The following NCKAP5 variants were observed in gnomAD, a reference collection of about 807,000 sequenced individuals.
NCKAP5 encodes the protein nck-associated protein 5.
Under a neutral mutation model 167.0 loss-of-function variants are expected in NCKAP5, and 92 were observed. That is an observed-to-expected ratio of 0.55 (90% CI 0.47 to 0.66). NCKAP5 has a LOEUF of 0.66. Ranked by LOEUF, NCKAP5 falls within the 30% of genes least tolerant of loss-of-function variation. The pLI is 0.00. For missense variants in NCKAP5, 2,378 were observed against 2,315.0 expected (o/e 1.03, Z -0.56); for synonymous variants, 891 against 877.4 (o/e 1.02, Z -0.27).
chr2:133,188,478 T>C (rs1056223352), intron 5 of NCKAP5, among the ~76,000 whole-genome samples: 2 of 152,050 alleles, frequency 1.3e-5, no homozygotes, highest in Admixed American at 6.6e-5. Context: ...CAACAGAATA[T>C]ACATTCCTCT....
At chr2:133,592,778 A>C in the NCKAP5 span, among the ~76,000 whole-genome samples, 2 of 152,220 alleles carry the variant, frequency 1.3e-5, no homozygotes, top group Non-Finnish European at 2.9e-5. Flanking sequence ...CCAGTATAAC[A>C]TTCCTGCTCA....
At chr2:133,669,806 C>T in the NCKAP5 span, among the ~76,000 whole-genome samples, 1 of 152,152 alleles carries the variant, frequency 6.6e-6, no homozygotes, top group Non-Finnish European at 1.5e-5. Context: ...TACTCTTCAT[C>T]CCTGCAGAAT....
chr2:133,614,542 G>C, the NCKAP5 span, among the ~76,000 whole-genome samples: 1 of 151,998 alleles, frequency 6.6e-6, no homozygotes, highest in East Asian at 1.9e-4. Flanking sequence ...TGGAAGAAAG[G>C]GTATCAGCGA....
At chr2:133,119,006 T>C (rs745579137) in intron 6 of NCKAP5, 8 of 152,164 alleles carry the variant, frequency 5.3e-5, no homozygotes, top group Non-Finnish European at 1.2e-4. Flanking sequence ...TTTGTTGTTG[T>C]TTGTTTGTTT....
intron 9 of NCKAP5, among the ~76,000 whole-genome samples, chr2:132,869,831 A>T (rs927042546): frequency 2.0e-5 from 3 of 152,190 alleles, no homozygotes; most frequent in African/African-American, 7.2e-5. Flanking sequence ...GGACAGAGAA[A>T]AGCTTGGTCC....
chr2:132,895,212 T>C (rs1693071011), intron 8 of NCKAP5, among the ~76,000 whole-genome samples: 1 of 151,884 alleles, frequency 6.6e-6, no homozygotes, highest in East Asian at 2.0e-4. Context: ...GCGCCTGTAG[T>C]CCCAGCTACT....
intron 9 of NCKAP5, 77 bp downstream of exon 9, chr2:132,878,771 C>T: frequency 1.9e-6 from 2 of 1,047,434 alleles, no homozygotes; most frequent in Non-Finnish European, 3.0e-6. Flanking sequence ...ACTGGTAGCA[C>T]ACACACATTT....
intron 3 of NCKAP5, among the ~76,000 whole-genome samples, chr2:133,345,475 G>C (rs1683908111): frequency 6.6e-6 from 1 of 152,138 alleles, no homozygotes; most frequent in Non-Finnish European, 1.5e-5. Context: ...TCAGAATATG[G>C]AGCAATGGTT....
At chr2:133,664,251 T>C in the NCKAP5 span, among the ~76,000 whole-genome samples, 1 of 152,190 alleles carries the variant, frequency 6.6e-6, no homozygotes, top group Non-Finnish European at 1.5e-5. Context: ...TCAGACTTCA[T>C]TATTTTATTT....
chr2:132,856,336 G>GA (rs532362885), intron 11 of NCKAP5, among the ~76,000 whole-genome samples: 33 of 150,174 alleles, frequency 2.2e-4, no homozygotes, highest in African/African-American at 4.9e-4. Flanking sequence ...AAGACTAAGA[G>GA]AAAAAAAAAG....
At chr2:133,361,473 T>C (rs541196760) in intron 3 of NCKAP5, among the ~76,000 whole-genome samples, 1 of 152,342 alleles carries the variant, frequency 6.6e-6, no homozygotes, top group South Asian at 2.1e-4. Context: ...TTCAGTGGCA[T>C]TAAAATAAAT....
At chr2:133,350,178 G>A (rs1684265177) in intron 3 of NCKAP5, among the ~76,000 whole-genome samples, 1 of 152,150 alleles carries the variant, frequency 6.6e-6, no homozygotes, top group South Asian at 2.1e-4. Flanking sequence ...TTGGGAGCCT[G>A]AGGTGAGAGG....
intron 4 of NCKAP5, among the ~76,000 whole-genome samples, chr2:133,216,922 G>A (rs778264561): frequency 4.6e-5 from 7 of 152,040 alleles, no homozygotes; most frequent in Non-Finnish European, 1.0e-4. Context: ...GTACTACTTT[G>A]ATTAAAAAAC....
At chr2:133,609,447 A>AT in the NCKAP5 span, among the ~76,000 whole-genome samples, 3 of 152,094 alleles carry the variant, frequency 2.0e-5, no homozygotes, top group African/African-American at 7.2e-5. Flanking sequence ...AATTCCTGGC[A>AT]TTTTTTCTTC....
intron 11 of NCKAP5, among the ~76,000 whole-genome samples, chr2:132,839,341 T>G (rs969615682): frequency 6.6e-6 from 1 of 152,242 alleles, no homozygotes; most frequent in African/African-American, 2.4e-5. Flanking sequence ...GTTTTTCATG[T>G]GGTACAAGAT....
chr2:133,280,348 G>C (rs1398336241), intron 4 of NCKAP5, among the ~76,000 whole-genome samples: 2 of 152,138 alleles, frequency 1.3e-5, no homozygotes, highest in African/African-American at 4.8e-5. Context: ...ATTCATTATT[G>C]ACCCCTTAAC....
At chr2:133,463,598 G>T (rs982769871) in intron 3 of NCKAP5, among the ~76,000 whole-genome samples, 40 of 152,088 alleles carry the variant, frequency 2.6e-4, no homozygotes, top group African/African-American at 9.4e-4. Context: ...AGCATTAAAG[G>T]GCCCCCATTT....
At chr2:132,788,880 TTAAG>T (rs1200936262) in intron 13 of NCKAP5, among the ~76,000 whole-genome samples, 24 of 152,336 alleles carry the variant, frequency 1.6e-4, no homozygotes, top group Middle Eastern at 6.8e-3. Context: ...AGAAAGTTTC[TTAAG>T]TAATACACAT....
At chr2:132,825,702 A>G (rs926941810) in intron 11 of NCKAP5, among the ~76,000 whole-genome samples, 3 of 152,226 alleles carry the variant, frequency 2.0e-5, no homozygotes, top group Non-Finnish European at 4.4e-5. Flanking sequence ...GCTCCATTTT[A>G]ACTACTATCC....
Sources: allele counts gnomAD v4.1 joint callset (sites outside exome capture counted in the v4.1 genomes callset), GRCh38; gene constraint gnomAD v4.1.1; transcripts MANE v1.5; gene names NCBI Gene and HGNC (gene_info 2026-07-23, HGNC 2026-07-21).